Variants in XKR9 observed in about 807,000 individuals in gnomAD.
The protein encoded by XKR9 is XK related 9.
XKR9 carries 32 observed loss-of-function variants against 32.0 expected under a neutral mutation model. The observed-to-expected ratio is 1.00, with a 90% CI of 0.76 to 1.34. XKR9 has a LOEUF of 1.34. Among genes scored for constraint, XKR9 ranks in the 40% most tolerant of loss-of-function variants. The probability of loss-of-function intolerance (pLI) is 0.00; values close to 1 mark genes in which losing one functional copy is unlikely to be tolerated. For missense variants in XKR9, 546 were observed against 429.7 expected, an observed-to-expected ratio of 1.27 and a Z score of -2.39; for synonymous variants, 168 against 143.4, an observed-to-expected ratio of 1.17 and a Z score of -1.22.
chr8:70,787,804 T>A (rs1017687765), intron 2 of XKR9, among the ~76,000 whole-genome samples: 4 of 152,214 alleles, frequency 2.6e-5, no homozygotes, highest in Admixed American at 2.0e-4. Flanking sequence ...TATTCAATAC[T>A]ATTTGGAGAA....
the XKR9 span, among the ~76,000 whole-genome samples, chr8:70,878,740 G>A: frequency 6.6e-6 from 1 of 152,138 alleles, no homozygotes; most frequent in Non-Finnish European, 1.5e-5. Flanking sequence ...ACATTAGACA[G>A]ATCAACGAGA....
At chr8:71,054,149 A>G in the XKR9 span, among the ~76,000 whole-genome samples, 2 of 152,194 alleles carry the variant, frequency 1.3e-5, no homozygotes, top group Admixed American at 6.5e-5. Flanking sequence ...AATTAACAGT[A>G]TGGTTGGTGC....
chr8:70,885,986 A>G, the XKR9 span, among the ~76,000 whole-genome samples: 1 of 151,992 alleles, frequency 6.6e-6, no homozygotes, highest in Admixed American at 6.6e-5. Context: ...GGTTTTCTGC[A>G]CCCGTCAACC....
At chr8:71,057,470 T>A in the XKR9 span, among the ~76,000 whole-genome samples, 1 of 152,220 alleles carries the variant, frequency 6.6e-6, no homozygotes, top group Non-Finnish European at 1.5e-5. Flanking sequence ...TAAGTCCTGT[T>A]AAAGTCATTA....
intron 2 of XKR9, among the ~76,000 whole-genome samples, chr8:70,782,296 G>A (rs6998989): frequency 0.33 from 50,325 of 151,752 alleles, 9,476 homozygotes; most frequent in Non-Finnish European, 0.43. Flanking sequence ...ATTTATAATC[G>A]TATACATTTA....
At chr8:70,972,376 G>C in the XKR9 span, among the ~76,000 whole-genome samples, 1 of 152,070 alleles carries the variant, frequency 6.6e-6, no homozygotes, top group Non-Finnish European at 1.5e-5. Flanking sequence ...TGTGTCTTTA[G>C]GGTTTTCTAG....
At chr8:70,690,163 C>T (rs563337738) in intron 3 of XKR9, among the ~76,000 whole-genome samples, 3 of 152,044 alleles carry the variant, frequency 2.0e-5, no homozygotes, top group East Asian at 1.9e-4. Context: ...TAGATAAACA[C>T]GTGTCATGGG....
chr8:70,861,918 T>TGC, the XKR9 span, among the ~76,000 whole-genome samples: 1 of 152,234 alleles, frequency 6.6e-6, no homozygotes, highest in Non-Finnish European at 1.5e-5. Context: ...CTTATATGTG[T>TGC]ACATATATAT....
At chr8:70,829,669 C>T in the XKR9 span, among the ~76,000 whole-genome samples, 22 of 152,268 alleles carry the variant, frequency 1.4e-4, no homozygotes, top group East Asian at 9.7e-4. Context: ...GGGATGGTCT[C>T]GACCTCCTCA....
the XKR9 span, among the ~76,000 whole-genome samples, chr8:70,799,135 T>A: frequency 6.6e-6 from 1 of 152,226 alleles, no homozygotes; most frequent in Non-Finnish European, 1.5e-5. Context: ...TAGGTTTCTT[T>A]AGGCAGTGTG....
chr8:70,707,557 T>C (rs1475678295), intron 4 of XKR9, among the ~76,000 whole-genome samples: 1 of 152,068 alleles, frequency 6.6e-6, no homozygotes, highest in Non-Finnish European at 1.5e-5. Flanking sequence ...TATTGCAAAT[T>C]ATGAATGTGC....
chr8:70,890,307 T>C, the XKR9 span, among the ~76,000 whole-genome samples: 1 of 151,950 alleles, frequency 6.6e-6, no homozygotes, highest in Non-Finnish European at 1.5e-5. Flanking sequence ...ATTACTTTCT[T>C]TTGTCTAATT....
At chr8:70,974,691 T>A in the XKR9 span, among the ~76,000 whole-genome samples, 48,481 of 152,128 alleles carry the variant, frequency 0.32, 9,060 homozygotes, top group Non-Finnish European at 0.43. Context: ...ATAGTGCCAC[T>A]ATAAACATAT....
At chr8:70,902,871 C>T in the XKR9 span, among the ~76,000 whole-genome samples, 1 of 152,014 alleles carries the variant, frequency 6.6e-6, no homozygotes, top group African/African-American at 2.4e-5. Flanking sequence ...GCCTTTTCTG[C>T]ATCTATTTCT....
chr8:71,057,210 T>C, the XKR9 span, among the ~76,000 whole-genome samples: 13 of 152,256 alleles, frequency 8.5e-5, no homozygotes, highest in Admixed American at 6.5e-4. Context: ...CAGTTCCACA[T>C]TGGGGAGCAA....
At chr8:70,698,948 T>A (rs574572578) in intron 3 of XKR9, among the ~76,000 whole-genome samples, 1 of 152,312 alleles carries the variant, frequency 6.6e-6, no homozygotes, top group African/African-American at 2.4e-5. Context: ...AATGGCCTTC[T>A]TTGTCTCTTT....
In XKR9 at chr8:70,735,010, A is replaced by C. The variant is rs1332599635; in HGVS notation, c.*586A>C. On this transcript the variant is annotated 3_prime_UTR_variant, in exon 5 of 5. Transcript: ENST00000408926. ...ATTTACTTATTTCCTAGCTTTTCTG[A>C]ATTAATGCACTCTTAACATATAATT... is the stretch of plus-strand genomic sequence containing the variant. 2 of 152,294 alleles carry C rather than the reference A, an allele frequency of 1.3e-5. No individual in the cohort carries two copies. The highest frequency in any genetic ancestry group is 1.3e-4 in the Admixed American group (2 of 15,268). The allele number at this position is 152,294 out of a possible 1,614,324, so 9.4% of individuals were successfully genotyped here.
At chr8:70,672,662 G>A (rs1371246373) in intron 1 of XKR9, among the ~76,000 whole-genome samples, 1 of 152,088 alleles carries the variant, frequency 6.6e-6, no homozygotes, top group East Asian at 1.9e-4. Context: ...CATAGCGGTT[G>A]TACTAATTTA....
chr8:70,756,855 G>T (rs1807233300), intron 2 of XKR9, among the ~76,000 whole-genome samples: 1 of 151,832 alleles, frequency 6.6e-6, no homozygotes, highest in Admixed American at 6.6e-5. Context: ...CTTGTTTAAT[G>T]CCATGGCTAG....
Sources: allele counts gnomAD v4.1 joint callset (sites outside exome capture counted in the v4.1 genomes callset), GRCh38; gene constraint gnomAD v4.1.1; transcripts MANE v1.5; gene names NCBI Gene and HGNC (gene_info 2026-07-23, HGNC 2026-07-21).